The following RIN2 variants were observed in gnomAD, a reference collection of about 807,000 sequenced individuals.
RIN2 encodes Ras and Rab interactor 2, also known as RAB5 interacting protein 2.
Under a neutral mutation model 78.0 loss-of-function variants are expected in RIN2, and 36 were observed. The ratio of observed to expected loss-of-function variants is 0.46; its 90% CI spans 0.35 to 0.61. The LOEUF (loss-of-function observed/expected upper bound fraction) is 0.61. RIN2 is among the 20% of genes least tolerant of loss of function. The pLI is 0.00. For missense variants in RIN2, 1,087 were observed against 1,159.7 expected, an observed-to-expected ratio of 0.94 and a Z score of 0.91; for synonymous variants, 466 against 466.8, an observed-to-expected ratio of 1.00 and a Z score of 0.02.
intron 2 of RIN2, among the ~76,000 whole-genome samples, chr20:19,860,329 G>T (rs1296992824): frequency 7.2e-6 from 1 of 139,156 alleles, no homozygotes; most frequent in African/African-American, 2.8e-5. Flanking sequence ...TTTGTTTTTT[G>T]TTTTTTTTCT....
chr20:19,789,699 A>C (rs1302755290), intron 1 of RIN2, among the ~76,000 whole-genome samples: 1 of 152,046 alleles, frequency 6.6e-6, no homozygotes, highest in Admixed American at 6.6e-5. Flanking sequence ...ACATCCAACT[A>C]TTGCCTGGTT....
intron 2 of RIN2, among the ~76,000 whole-genome samples, chr20:19,855,231 C>G (rs1243788054): frequency 1.3e-5 from 2 of 151,978 alleles, no homozygotes; most frequent in Non-Finnish European, 1.5e-5. Flanking sequence ...GGGATGAAGC[C>G]CACTTGATCT....
Position 19,852,385 on chromosome 20 carries a change from A to G in RIN2, c.-36-37181A>G, listed in dbSNP as rs142313701. On this transcript the variant is annotated intron_variant, in intron 2 of 12. Transcript: ENST00000255006. Reference sequence around the variant, plus strand: ...AAAGTCACCTTATTGATCTGCAGCTAGAAATCTTAGTATATTGCAGACTAG... The same window carrying G: ...AAAGTCACCTTATTGATCTGCAGCTGGAAATCTTAGTATATTGCAGACTAG... 4.1e-3 allele frequency among the ~76,000 whole-genome samples: 617 copies of G among 152,334 alleles called. 6 individuals carry two copies. Among genetic ancestry groups the G allele is most frequent in the African/African-American group, 0.014 (593 of 41,576 alleles).
intron 8 of RIN2, among the ~76,000 whole-genome samples, chr20:19,972,725 C>T (rs2042146360): frequency 6.6e-6 from 1 of 152,108 alleles, no homozygotes; most frequent in African/African-American, 2.4e-5. Flanking sequence ...TACACGTGAA[C>T]TAAATATACA....
intron 9 of RIN2, among the ~76,000 whole-genome samples, chr20:19,985,466 TC>T (rs755481235): frequency 6.6e-6 from 1 of 152,242 alleles, no homozygotes; most frequent in Non-Finnish European, 1.5e-5. Context: ...ATAAATATTT[TC>T]AGAAAACTTG....
chr20:19,830,904 C>T (rs1056152702), intron 2 of RIN2, among the ~76,000 whole-genome samples: 2 of 152,220 alleles, frequency 1.3e-5, no homozygotes, highest in South Asian at 2.1e-4. Flanking sequence ...CACCCCACCT[C>T]GGGACACCCC....
At chr20:19,935,546 T>G in intron 4 of RIN2, 1 of 1,034,276 alleles carries the variant, frequency 9.7e-7, no homozygotes, top group Non-Finnish European at 1.2e-6. Flanking sequence ...TGTAGCCGTG[T>G]GAGTCTCCAG....
chr20:19,988,613 C>T (rs1431853157), intron 9 of RIN2, among the ~76,000 whole-genome samples: 1 of 152,136 alleles, frequency 6.6e-6, no homozygotes, highest in Non-Finnish European at 1.5e-5. Flanking sequence ...AAATAGCCTT[C>T]AGCCCGCATC....
At chr20:19,901,809 G>C (rs1191052931) in intron 3 of RIN2, among the ~76,000 whole-genome samples, 1 of 152,034 alleles carries the variant, frequency 6.6e-6, no homozygotes, top group Non-Finnish European at 1.5e-5. Flanking sequence ...TTGAGGTTAG[G>C]TGTTTGAGAC....
chr20:19,955,278 T>A (rs1364899116), intron 4 of RIN2, among the ~76,000 whole-genome samples: 1 of 152,214 alleles, frequency 6.6e-6, no homozygotes, highest in Admixed American at 6.5e-5. Flanking sequence ...GCAGCATGCG[T>A]CAGTGCCCCA....
intron 2 of RIN2, among the ~76,000 whole-genome samples, chr20:19,852,737 T>A (rs1303979870): frequency 6.6e-6 from 1 of 152,136 alleles, no homozygotes; most frequent in African/African-American, 2.4e-5. Context: ...ATAATGAAAT[T>A]ATTATTCTGT....
At chr20:19,837,448 A>T (rs2036455228) in intron 2 of RIN2, among the ~76,000 whole-genome samples, 1 of 152,236 alleles carries the variant, frequency 6.6e-6, no homozygotes, top group African/African-American at 2.4e-5. Flanking sequence ...TCTTGTTGTC[A>T]GTTTAATTTG....
rs545504792 is a variant in RIN2 at position 19,814,848 on chromosome 20, C to T, written c.-37+15101C>T. Among the ~76,000 whole-genome samples, 7 of 152,140 alleles carry T rather than the reference C, an allele frequency of 4.6e-5. No individual in the cohort carries two copies. In the South Asian group the frequency reaches 6.2e-4, roughly 14 times the overall value. On this transcript the variant is annotated intron_variant, in intron 2 of 12. Transcript: ENST00000255006. Reference sequence around the variant, plus strand: ...TCAAGTGATCCGCCCACCTCAGCCTCCCAAAAAGTATCAGGATTACAGGTG... The same window carrying T: ...TCAAGTGATCCGCCCACCTCAGCCTTCCAAAAAGTATCAGGATTACAGGTG...
chr20:19,988,978 C>T (rs1169113385), intron 9 of RIN2, among the ~76,000 whole-genome samples: 4 of 152,088 alleles, frequency 2.6e-5, no homozygotes, highest in Non-Finnish European at 4.4e-5. Context: ...TACGTGCACA[C>T]ACACTGTCTC....
intron 2 of RIN2, among the ~76,000 whole-genome samples, chr20:19,883,958 A>T (rs576259153): frequency 2.0e-5 from 3 of 151,114 alleles, no homozygotes; most frequent in Non-Finnish European, 4.4e-5. Flanking sequence ...TTACATTTTT[A>T]AAATACTTTT....
chr20:19,807,789 G>A (rs183160945), intron 2 of RIN2, among the ~76,000 whole-genome samples: 1 of 152,306 alleles, frequency 6.6e-6, no homozygotes, highest in East Asian at 1.9e-4. Flanking sequence ...TGCCTTTTCT[G>A]TGCTTCTCTC....
intron 4 of RIN2, among the ~76,000 whole-genome samples, chr20:19,948,478 T>A (rs2041186291): frequency 6.6e-6 from 1 of 152,132 alleles, no homozygotes; most frequent in Non-Finnish European, 1.5e-5. Context: ...TACTGCAACC[T>A]CCGCCTCCCA....
intron 4 of RIN2, among the ~76,000 whole-genome samples, chr20:19,944,098 T>C (rs963582365): frequency 2.0e-5 from 3 of 151,916 alleles, no homozygotes; most frequent in African/African-American, 7.3e-5. Flanking sequence ...AACTTCTATG[T>C]ATTTTTGAAG....
chr20:19,898,335 C>T (rs1432692738), intron 3 of RIN2, among the ~76,000 whole-genome samples: 1 of 152,122 alleles, frequency 6.6e-6, no homozygotes, highest in Non-Finnish European at 1.5e-5. Flanking sequence ...TTTCTCCAGG[C>T]TTCCTTGTAG....
Sources: allele counts gnomAD v4.1 joint callset (sites outside exome capture counted in the v4.1 genomes callset), GRCh38; gene constraint gnomAD v4.1.1; transcripts MANE v1.5; gene names NCBI Gene and HGNC (gene_info 2026-07-23, HGNC 2026-07-21).